The following PRPF8 variants were observed in gnomAD, a reference collection of about 807,000 sequenced individuals.
PRPF8 encodes pre-mRNA processing factor 8, also known as pre-mRNA-processing-splicing factor 8.
Under a neutral mutation model 285.9 loss-of-function variants are expected in PRPF8, and 64 were observed. The observed-to-expected ratio is 0.22, with a 90% CI of 0.18 to 0.28. The LOEUF (loss-of-function observed/expected upper bound fraction) is 0.28. Ranked by LOEUF, PRPF8 falls within the 10% of genes least tolerant of loss-of-function variation. The probability of loss-of-function intolerance (pLI) is 1.00; values close to 1 mark genes in which losing one functional copy is unlikely to be tolerated. For missense variants in PRPF8, 1,426 were observed against 3,026.7 expected (o/e 0.47, Z 12.41); for synonymous variants, 1,325 against 1,118.2 (o/e 1.18, Z -3.69).
At chr17:1,655,659 C>T (rs1174508126) in intron 36 of PRPF8, 116 bp from the exon 37 acceptor site, 6 of 899,566 alleles carry the variant, frequency 6.7e-6, no homozygotes, top group East Asian at 5.1e-5. Flanking sequence ...CAGAGTCTTG[C>T]TCTGTCGCCC....
In PRPF8 at chr17:1,651,246, G is replaced by A. The variant is rs1414478127; in HGVS notation, c.6715C>T (p.Arg2239Cys). The A allele has an allele frequency of 2.5e-6, 4 of 1,613,952 alleles. No individual in the cohort carries two copies. The highest frequency in any genetic ancestry group is 2.2e-5 in the East Asian group (1 of 44,896). ...KLTPSGYEWGRQNTDKGNNPK... is the reference protein window; with the variant it reads ...KLTPSGYEWGCQNTDKGNNPK... ...TTGTTGCCCTTGTCTGTGTTCTGGC[G>A]GCCCCATTCGTAGCCACTGGGGGTC... The change falls in exon 42 of 43, where the codon CGC (arginine) becomes TGC (cysteine). Residue 2239 changes from arginine (R) to cysteine (C), a missense_variant. Physicochemically the swap from Arg to Cys is radical, Grantham distance 180 (BLOSUM62 -3). Coordinates refer to ENST00000304992, the MANE Select transcript of PRPF8 (RefSeq NM_006445.4). This position sits in a 1 kb window ranked among gnomAD's most constrained non-coding sequence, Gnocchi z 5.1.
At position 1,658,938 on chromosome 17, in the gene PRPF8, T is replaced by C; in HGVS notation, c.5139-175A>G. On this transcript the variant is annotated intron_variant, in intron 32 of 42. Transcript: ENST00000304992. The surrounding 1 kb of genome is among the most constrained non-coding windows in gnomAD (Gnocchi z 4.1). ...GTGACCCATAGGAGGAATGGGCCAC[T>C]TCCTCTCACTTAGGTAAAGTAAAAA... is the stretch of plus-strand genomic sequence containing the variant. The C allele has an allele frequency of 1.4e-6, 1 of 712,538 alleles. No individual in the cohort carries two copies. Among genetic ancestry groups the C allele is most frequent in the Non-Finnish European group, 2.6e-6 (1 of 390,312 alleles). 44.1% of individuals were successfully genotyped at this position (712,538 alleles called of 1,614,324 possible).
chr17:1,669,821 C>T (rs1458599142), intron 24 of PRPF8, among the ~76,000 whole-genome samples: 8 of 152,330 alleles, frequency 5.3e-5, no homozygotes, highest in South Asian at 2.1e-4. Flanking sequence ...TCTGACCACA[C>T]TTCATCTTAG....
Position 1,677,055 on chromosome 17 carries a change from A to T in PRPF8, c.2102T>A (p.Ile701Asn). Residue 701 changes from isoleucine to asparagine, a missense_variant, in exon 15 of 43, where the codon ATC (isoleucine) becomes AAC (asparagine). By Grantham distance (149) the Ile-to-Asn change is moderately radical. This residue lies in a region of PRPF8 where 30 missense variants were observed against 61.0 expected (regional missense o/e 0.49). Transcript: ENST00000304992. ...GATTGTCCGGGCCTTGTTCTGCTTG[A>T]TCCCCTCAGGCATCATGTCCAGAAT... ...HDILDMMPEG[I>N]KQNKARTILQ... 1 of 1,613,692 alleles carries T rather than the reference A, an allele frequency of 6.2e-7. No individual in the cohort carries two copies. The highest frequency in any genetic ancestry group is 8.5e-7 in the Non-Finnish European group (1 of 1,179,932).
chr17:1,673,915 C>CT lies in PRPF8; in HGVS notation c.3300-24dup. Reference sequence around the variant, plus strand: ...AACCTACACCAGACCAGGTACACTGCTGAGGCCCCAGTACACTGAGATTTG... The same window carrying CT: ...AACCTACACCAGACCAGGTACACTGCTTGAGGCCCCAGTACACTGAGATTTG... On this transcript the variant is annotated intron_variant, in intron 21 of 42. Transcript: ENST00000304992. The surrounding 1 kb of genome is among the most constrained non-coding windows in gnomAD (Gnocchi z 5.5). The CT allele has an allele frequency of 1.2e-6, 2 of 1,609,950 alleles. No individual in the cohort carries two copies. The highest frequency in any genetic ancestry group is 8.5e-7 in the Non-Finnish European group (1 of 1,179,998).
At chr17:1,682,071 C>A (rs768922298) in intron 4 of PRPF8, 33 bp from the exon 5 acceptor site, 1 of 1,613,436 alleles carries the variant, frequency 6.2e-7, no homozygotes, top group Non-Finnish European at 8.5e-7. Flanking sequence ...ACCATTTCTA[C>A]CCACTGCCTC....
At chr17:1,680,473 C>T (rs1597248963) in intron 8 of PRPF8, 1 of 576,790 alleles carries the variant, frequency 1.7e-6, no homozygotes, top group Non-Finnish European at 3.1e-6. Context: ...ACAATAGAGA[C>T]AGACCGGGAC....
rs1567692284 is a variant in PRPF8, at chr17:1,681,540, T to TGCCTTGGAC, written c.795_803dup (p.Ser266_Ala268dup). On this transcript the variant is annotated inframe_insertion, in exon 6 of 43. Coordinates refer to ENST00000304992, the MANE Select transcript of PRPF8 (RefSeq NM_006445.4). ...GGCCTCCAGGAATGGCCATATTGAG[T>TGCCTTGGAC]GCCTTGGACGTAAAGAAGGCCTTCA... 6.2e-7 allele frequency: 1 copy of TGCCTTGGAC among 1,613,440 alleles called. No homozygotes were observed. The highest frequency in any genetic ancestry group is 1.7e-5 in the Admixed American group (1 of 60,014).
intron 5 of PRPF8, 21 bp downstream of exon 5, chr17:1,681,799 G>A (rs1185207325): frequency 1.9e-6 from 3 of 1,613,362 alleles, no homozygotes; most frequent in Non-Finnish European, 2.5e-6. Flanking sequence ...CCCAGGTGTA[G>A]TATCTCCATC....
chr17:1,677,174 TG>T lies in PRPF8; in HGVS notation c.1985-3del, dbSNP rs763252911. The T allele has an allele frequency of 6.8e-6, 11 of 1,613,120 alleles. No homozygotes were observed. The East Asian group carries it at 2.0e-4, about 29-fold the overall frequency. On this transcript the variant is annotated splice_region_variant and splice_polypyrimidine_tract_variant and intron_variant, in intron 14 of 42. Transcript: ENST00000304992. Reference sequence around the variant, plus strand: ...TTGCCACCCCCTTTGAGTGTCGACCTGGAAGTAGAGTGTCCCAAGGGGATTA... The same window carrying T: ...TTGCCACCCCCTTTGAGTGTCGACCTGAAGTAGAGTGTCCCAAGGGGATTA...
chr17:1,655,382 A>G lies in PRPF8; in HGVS notation c.5955T>C (p.Asp1985=). 1 of 1,613,786 alleles carries G rather than the reference A, an allele frequency of 6.2e-7. No individual in the cohort carries two copies. The highest frequency in any genetic ancestry group is 1.1e-5 in the South Asian group (1 of 91,060). The change falls in exon 37 of 43, where the codon GAT becomes GAC. Residue 1985 remains aspartate, a synonymous_variant. Coordinates refer to ENST00000304992, the MANE Select transcript of PRPF8 (RefSeq NM_006445.4). ...EWIKVEVQLK[D]LILADYGKKN... ...TCTTGCCGTAGTCAGCCAAGATCAG[A>G]TCCTTGAGCTGCACCTCGACCTTGA...
chr17:1,667,681 C>A (rs752762821), intron 24 of PRPF8, among the ~76,000 whole-genome samples: 20 of 151,692 alleles, frequency 1.3e-4, no homozygotes, highest in Non-Finnish European at 2.1e-4. Context: ...GTAGCTGGGA[C>A]TACAGACATG....
rs746328805 is a variant in PRPF8, at chr17:1,676,958, A to C, written c.2181+18T>G. The stretch of plus-strand genomic sequence containing the variant: ...AAGACGGATGTTTACGCCTCCAAGG[A>C]AATAAAGAGACACCCACCTTCCAGG... On this transcript the variant is annotated intron_variant, in intron 15 of 42. Coordinates refer to ENST00000304992, the MANE Select transcript of PRPF8 (RefSeq NM_006445.4). This position sits in a 1 kb window ranked among gnomAD's most constrained non-coding sequence, Gnocchi z 6.3. The C allele has an allele frequency of 2.5e-6, 4 of 1,612,792 alleles. No homozygotes were observed. The African/African-American group carries it at 4.0e-5, about 16-fold the overall frequency.
rs1159063899 is a variant in PRPF8 at position 1,682,206 on chromosome 17, C to T, written c.357G>A (p.Leu119=). ...AGGAAATGGCTCCAGTGATGTGGTA[C>T]AGCACAGGCACATCCCGAATCTGCT... ...PWEQIRDVPV[L]YHITGAISFV... The change falls in exon 4 of 43, where the codon CTG becomes CTA. Residue 119 remains leucine, a synonymous_variant. Coordinates refer to ENST00000304992, the MANE Select transcript of PRPF8 (RefSeq NM_006445.4). The T allele has an allele frequency of 6.2e-7, 1 of 1,614,124 alleles. No individual in the cohort carries two copies. The highest frequency in any genetic ancestry group is 1.7e-5 in the Admixed American group (1 of 60,002).
Position 1,650,849 on chromosome 17 carries a change from G to C in PRPF8, c.6961C>G (p.Gln2321Glu). ...TCCGCAGAGTAAACCTCCCCCTCCT[G>C]CAGGAGAGCAAAGTTGAGGAAGTGA... ...PSHFLNFALLQEGEVYSADRE... is the reference protein window; with the variant it reads ...PSHFLNFALLEEGEVYSADRE... Residue 2321 changes from glutamine to glutamate, a missense_variant, in exon 43 of 43, where the codon CAG becomes GAG. Coordinates refer to ENST00000304992, the MANE Select transcript of PRPF8 (RefSeq NM_006445.4). The C allele has an allele frequency of 6.2e-7, 1 of 1,614,172 alleles. No individual in the cohort carries two copies. Among genetic ancestry groups the C allele is most frequent in the Non-Finnish European group, 8.5e-7 (1 of 1,180,036 alleles).
intron 24 of PRPF8, among the ~76,000 whole-genome samples, chr17:1,666,577 G>C (rs143601687): frequency 2.0e-5 from 3 of 151,106 alleles, no homozygotes; most frequent in African/African-American, 7.3e-5. Flanking sequence ...CAACAAAAAA[G>C]AGAAAAACGA....
intron 24 of PRPF8, among the ~76,000 whole-genome samples, chr17:1,668,641 T>C (rs1017555406): frequency 1.3e-5 from 2 of 152,042 alleles, no homozygotes; most frequent in South Asian, 2.1e-4. Flanking sequence ...GGATTACAGG[T>C]ATGAGCCACC....
At chr17:1,664,917 G>C (rs1299186714) in intron 24 of PRPF8, among the ~76,000 whole-genome samples, 2 of 152,068 alleles carry the variant, frequency 1.3e-5, no homozygotes, top group Non-Finnish European at 2.9e-5. Flanking sequence ...CAGCACTTTG[G>C]GAAGCCAAGG....
At position 1,680,868 on chromosome 17, in the gene PRPF8, C is replaced by T. The variant is rs147991372; in HGVS notation, c.993-37G>A. 2.9e-4 allele frequency: 465 copies of T among 1,614,090 alleles called. 2 individuals carry two copies. The African/African-American group carries it at 5.5e-3, about 19-fold the overall frequency. On this transcript the variant is annotated intron_variant, in intron 7 of 42. Transcript: ENST00000304992. ...GGAAGAGTCAGCCAAAGTTTTCCCG[C>T]CCTGGCCCAACCTAAACAGCAGCCT...
Sources: allele counts gnomAD v4.1 joint callset (sites outside exome capture counted in the v4.1 genomes callset), GRCh38; gene constraint gnomAD v4.1.1; regional missense constraint gnomAD v4.1.1; non-coding constraint Gnocchi (gnomAD v3.1); transcripts MANE v1.5; gene names NCBI Gene and HGNC (gene_info 2026-07-23, HGNC 2026-07-21).